The following EXOC4 variants were observed in gnomAD, a reference collection of about 807,000 sequenced individuals.
EXOC4 encodes the protein exocyst complex component 4, also known as SEC8-like 1.
A neutral mutation model predicts 107.2 loss-of-function variants in EXOC4; 71 were observed. The observed-to-expected ratio is 0.66, with a 90% CI of 0.55 to 0.81. The LOEUF is 0.81. EXOC4 is among the 30% of genes least tolerant of loss of function. EXOC4 has a pLI of 0.00. For missense variants in EXOC4, 1,108 were observed against 1,189.6 expected (o/e 0.93, Z 1.01); for synonymous variants, 456 against 441.2 (o/e 1.03, Z -0.42).
At chr7:133,756,227 A>G (rs1386072422) in intron 10 of EXOC4, among the ~76,000 whole-genome samples, 9 of 152,336 alleles carry the variant, frequency 5.9e-5, no homozygotes, top group East Asian at 1.9e-4. Flanking sequence ...CATAATTACT[A>G]TCTTGATGAC....
At chr7:134,071,022 G>A (rs1271843318), downstream of EXOC4, among the ~76,000 whole-genome samples, 1 of 152,192 alleles carries the variant, frequency 6.6e-6, no homozygotes, top group African/African-American at 2.4e-5. Flanking sequence ...GAAACCATTA[G>A]TAGCTGGTTT....
At chr7:133,449,721 T>TTTTGTGTGTG (rs1554454833) in intron 7 of EXOC4, among the ~76,000 whole-genome samples, 2 of 147,890 alleles carry the variant, frequency 1.4e-5, no homozygotes, top group Non-Finnish European at 3.0e-5. Context: ...GAAAATACAT[T>TTTTGTGTGTG]TGTGTGTGTG....
intron 10 of EXOC4, among the ~76,000 whole-genome samples, chr7:133,657,728 T>C (rs943174236): frequency 2.6e-5 from 4 of 152,302 alleles, no homozygotes; most frequent in Admixed American, 6.5e-5. Flanking sequence ...TTTTTGCTCT[T>C]TGACACTTTA....
Position 133,989,268 on chromosome 7 carries a change from A to G in EXOC4, c.2207-8224A>G, listed in dbSNP as rs564638733. On this transcript the variant is annotated intron_variant, in intron 14 of 17. Transcript: ENST00000253861. ...GATAGAGAACAGATGCTAAAGAAAGATAATGAGTTTAGTTTTGAACACATT... is the reference window on the plus strand; with the variant it reads ...GATAGAGAACAGATGCTAAAGAAAGGTAATGAGTTTAGTTTTGAACACATT... 7.9e-5 allele frequency among the ~76,000 whole-genome samples: 12 copies of G among 152,342 alleles called. No homozygotes were observed. In the South Asian group the frequency reaches 1.4e-3, roughly 18 times the overall value.
At chr7:134,088,200 T>C in the EXOC4 span, among the ~76,000 whole-genome samples, 313 of 152,182 alleles carry the variant, frequency 2.1e-3, no homozygotes, top group Middle Eastern at 0.01. Flanking sequence ...AAGTCAAGTT[T>C]AATTCCTTAA....
intron 7 of EXOC4, among the ~76,000 whole-genome samples, chr7:133,448,562 C>A (rs1447792636): frequency 1.3e-5 from 2 of 152,088 alleles, no homozygotes; most frequent in East Asian, 1.9e-4. Context: ...GCCACTTCAC[C>A]CATCCCCAAG....
chr7:133,576,454 T>G (rs1332729664), intron 9 of EXOC4: 13 of 1,239,068 alleles, frequency 1.0e-5, no homozygotes, highest in Non-Finnish European at 1.3e-5. Context: ...AAAAAATTAT[T>G]TAACCCATTT....
chr7:133,283,035 A>G (rs1584776255), intron 2 of EXOC4, among the ~76,000 whole-genome samples: 2 of 152,164 alleles, frequency 1.3e-5, no homozygotes, highest in African/African-American at 4.8e-5. Flanking sequence ...GCCAATATTC[A>G]TCTTTCTGTG....
At chr7:134,098,600 G>A in the EXOC4 span, among the ~76,000 whole-genome samples, 1 of 152,194 alleles carries the variant, frequency 6.6e-6, no homozygotes, top group Non-Finnish European at 1.5e-5. Context: ...TTCAGGGGTA[G>A]CAGTTGGAGG....
At chr7:133,835,994 A>G (rs1797910387) in intron 11 of EXOC4, among the ~76,000 whole-genome samples, 1 of 152,182 alleles carries the variant, frequency 6.6e-6, no homozygotes, top group South Asian at 2.1e-4. Context: ...AGCAAATGCA[A>G]ATACCTCAAT....
intron 10 of EXOC4, 49 bp from the exon 11 acceptor site, chr7:133,817,276 T>C (rs753412080): frequency 3.7e-6 from 5 of 1,349,372 alleles, no homozygotes; most frequent in Non-Finnish European, 5.3e-6. Context: ...CGTATTTATA[T>C]AACATTTTCC....
intron 14 of EXOC4, among the ~76,000 whole-genome samples, chr7:133,961,188 C>T (rs1749907470): frequency 4.0e-5 from 6 of 151,572 alleles, no homozygotes; most frequent in African/African-American, 1.5e-4. Context: ...GAGGAAGGAG[C>T]CAGGCAGCCT....
intron 14 of EXOC4, among the ~76,000 whole-genome samples, chr7:133,972,929 A>G (rs559491557): frequency 1.3e-5 from 2 of 152,340 alleles, no homozygotes; most frequent in Non-Finnish European, 2.9e-5. Flanking sequence ...TACATAGTCA[A>G]TCAGCTGGGT....
At chr7:133,588,986 A>G (rs1346702777) in intron 9 of EXOC4, among the ~76,000 whole-genome samples, 5 of 152,106 alleles carry the variant, frequency 3.3e-5, no homozygotes, top group Non-Finnish European at 7.4e-5. Context: ...GTATGTGTAT[A>G]CACACACAAA....
intron 9 of EXOC4, among the ~76,000 whole-genome samples, chr7:133,551,235 C>A (rs1056981603): frequency 2.6e-5 from 4 of 152,134 alleles, no homozygotes; most frequent in Admixed American, 6.6e-5. Context: ...CCTAGTTAAT[C>A]ATTCTATTCC....
intron 10 of EXOC4, among the ~76,000 whole-genome samples, chr7:133,649,369 C>T (rs1296513524): frequency 6.6e-6 from 1 of 151,862 alleles, no homozygotes; most frequent in Non-Finnish European, 1.5e-5. Flanking sequence ...GTTCATAGCC[C>T]AGCCAAATGG....
intron 9 of EXOC4, among the ~76,000 whole-genome samples, chr7:133,624,270 A>C (rs1210601508): frequency 6.6e-6 from 1 of 152,150 alleles, no homozygotes; most frequent in African/African-American, 2.4e-5. Context: ...TATAATTTCA[A>C]CATCTATACA....
chr7:134,054,688 G>C (rs376570684), intron 17 of EXOC4, among the ~76,000 whole-genome samples: 1 of 152,186 alleles, frequency 6.6e-6, no homozygotes, highest in Non-Finnish European at 1.5e-5. Flanking sequence ...GTGTCCTATC[G>C]AGGGTAGCCA....
chr7:133,587,547 G>T (rs1412012788), intron 9 of EXOC4, among the ~76,000 whole-genome samples: 1 of 152,166 alleles, frequency 6.6e-6, no homozygotes, highest in Non-Finnish European at 1.5e-5. Flanking sequence ...CACATCATTT[G>T]TCTTTTATAA....
Sources: gnomAD v4.1 joint callset for allele counts (sites outside exome capture counted in the v4.1 genomes callset) on GRCh38, gnomAD v4.1.1 for gene constraint, MANE v1.5 for transcripts, NCBI Gene and HGNC (gene_info 2026-07-23, HGNC 2026-07-21) for gene names.